The following RNF38 variants were observed in gnomAD, a reference collection of about 807,000 sequenced individuals.
RNF38 encodes the protein ring finger protein 38.
In RNF38, 15 loss-of-function variants were observed where a neutral mutation model predicts 67.2. The ratio of observed to expected loss-of-function variants is 0.22; its 90% confidence interval spans 0.15 to 0.34. The LOEUF (loss-of-function observed/expected upper bound fraction) is 0.34, where lower values mean the gene tolerates loss of function less well. Among genes scored for constraint, RNF38 ranks in the 10% least tolerant of loss-of-function variants. The probability of loss-of-function intolerance (pLI) is 1.00; values close to 1 mark genes in which losing one functional copy is unlikely to be tolerated. For missense variants in RNF38, 524 were observed against 639.9 expected (o/e 0.82, Z 1.95); for synonymous variants, 220 against 218.8 (o/e 1.01, Z -0.05).
intron 2 of RNF38, among the ~76,000 whole-genome samples, chr9:36,415,195 T>C (rs911031906): frequency 1.3e-5 from 2 of 152,220 alleles, no homozygotes; most frequent in African/African-American, 4.8e-5. Flanking sequence ...TTAGGCTTGA[T>C]CGTTTAACAT....
At chr9:36,375,701 TGG>T (rs1835738575) in intron 3 of RNF38, among the ~76,000 whole-genome samples, 1 of 152,202 alleles carries the variant, frequency 6.6e-6, no homozygotes, top group African/African-American at 2.4e-5. Context: ...TCATATATAA[TGG>T]CATCGACTGA....
chr9:36,370,865 C>T (rs1418528306), intron 3 of RNF38, among the ~76,000 whole-genome samples: 1 of 151,790 alleles, frequency 6.6e-6, no homozygotes, highest in Non-Finnish European at 1.5e-5. Flanking sequence ...GCTGAGATCA[C>T]GCCACTGCAC....
rs1839024880 is a variant in RNF38, at chr9:36,434,827, G to A, written n.242-10144C>T. Among the ~76,000 whole-genome samples, 5 of 152,134 alleles carry A rather than the reference G, an allele frequency of 3.3e-5. No individual in the cohort carries two copies. In the South Asian group the frequency reaches 1.0e-3, roughly 32 times the overall value. On this transcript the variant is annotated intron_variant and non_coding_transcript_variant, in intron 1 of 3. Transcript: ENST00000488058. ...TCAAGATTAGAACTGGCTCCATGAG[G>A]GCAGGAAATTCCCTTGCCTTATACA...
intron 1 of RNF38, among the ~76,000 whole-genome samples, chr9:36,452,065 T>A (rs1016617911): frequency 5.3e-5 from 8 of 151,904 alleles, no homozygotes; most frequent in African/African-American, 1.9e-4. Flanking sequence ...AAAAATTTTT[T>A]TAAAAAAAAT....
intron 3 of RNF38, 117 bp downstream of exon 3, chr9:36,375,817 T>C: frequency 1.1e-6 from 1 of 877,176 alleles, no homozygotes; most frequent in Non-Finnish European, 1.7e-6. Context: ...TGAATGTACG[T>C]GTATATGTGG....
chr9:36,412,026 CAG>C (rs79954912), intron 2 of RNF38, among the ~76,000 whole-genome samples: 82,079 of 151,886 alleles, frequency 0.54, 23,276 homozygotes, highest in Non-Finnish European at 0.64. Flanking sequence ...CAGCCAAATT[CAG>C]AGAGACAGAA....
At chr9:36,442,816 AC>A (rs1437459431) in intron 1 of RNF38, among the ~76,000 whole-genome samples, 1 of 152,212 alleles carries the variant, frequency 6.6e-6, no homozygotes, top group African/African-American at 2.4e-5. Flanking sequence ...CAATTCGCTC[AC>A]CCAATAACAG....
At chr9:36,430,935 A>G (rs2134262610) in intron 1 of RNF38, among the ~76,000 whole-genome samples, 1 of 152,242 alleles carries the variant, frequency 6.6e-6, no homozygotes, top group Non-Finnish European at 1.5e-5. Context: ...GCAATCCTTC[A>G]GTTCTCCACG....
intron 1 of RNF38, among the ~76,000 whole-genome samples, chr9:36,399,612 ATC>A (rs1837843571): frequency 6.6e-6 from 1 of 151,508 alleles, no homozygotes; most frequent in African/African-American, 2.4e-5. Context: ...CAGAAATTTC[ATC>A]TTTTTATTCC....
rs1490492671 is a variant in RNF38, at chr9:36,423,927, C to A, written n.312+686G>T. On this transcript the variant is annotated intron_variant and non_coding_transcript_variant, in intron 2 of 3. Coordinates refer to the RNF38 transcript ENST00000488058. ...TTGCGCCACTGCACTCCAGCCTGGG[C>A]GACAGAGCGAGACTCCGTCTCAAAA... 4.5e-4 allele frequency among the ~76,000 whole-genome samples: 9 copies of A among 20,188 alleles called. 2 individuals are homozygous for A. The highest frequency in any genetic ancestry group is 1.5e-3 in the African/African-American group (9 of 5,980). The allele number at this position is 20,188 out of a possible 152,430, so 13.2% of individuals were successfully genotyped here. A position where few individuals can be genotyped will look rare whatever the true frequency, so the allele number is the denominator to read the frequency against.
rs1337486950 is a variant in RNF38, at chr9:36,392,861, C to T, written c.13-2245G>A. Among the ~76,000 whole-genome samples the T allele has an allele frequency of 2.0e-5, 3 of 152,058 alleles. No individual in the cohort carries two copies. In the East Asian group the frequency reaches 5.8e-4, roughly 29 times the overall value. On this transcript the variant is annotated intron_variant, in intron 1 of 11. Transcript: ENST00000259605. ...TTTTTGAAACCCAGATGCAAGCAGC[C>T]AACTGTAACATAATATTTAAAGGCC...
At chr9:36,450,142 C>A (rs1028382098) in intron 1 of RNF38, among the ~76,000 whole-genome samples, 3 of 152,100 alleles carry the variant, frequency 2.0e-5, no homozygotes, top group African/African-American at 7.2e-5. Context: ...GAACCTAACT[C>A]TTCGAAACCC....
chr9:36,430,415 G>T (rs1838903131), intron 1 of RNF38, among the ~76,000 whole-genome samples: 1 of 152,106 alleles, frequency 6.6e-6, no homozygotes, highest in African/African-American at 2.4e-5. Flanking sequence ...ATGTTCGTCA[G>T]GCTGGTCTTG....
At chr9:36,466,250 G>A (rs749813125) in intron 1 of RNF38, among the ~76,000 whole-genome samples, 1 of 152,158 alleles carries the variant, frequency 6.6e-6, no homozygotes, top group Non-Finnish European at 1.5e-5. Flanking sequence ...GGACTGAGAT[G>A]GGAGGAAATG....
At chr9:36,358,845 AC>A (rs1261053303) in intron 4 of RNF38, among the ~76,000 whole-genome samples, 2 of 152,166 alleles carry the variant, frequency 1.3e-5, no homozygotes, top group Admixed American at 6.5e-5. Flanking sequence ...ACCCGTCTCT[AC>A]TAAAAATACA....
rs1004238351 is a variant in RNF38 at position 36,390,712 on chromosome 9, G to A, written c.13-96C>T. 2.4e-6 allele frequency: 3 copies of A among 1,232,368 alleles called. No homozygotes were observed. The South Asian group carries it at 4.3e-5, about 18-fold the overall frequency. The allele number at this position is 1,232,368 out of a possible 1,614,324, so 76.3% of individuals were successfully genotyped here. A position where few individuals can be genotyped will look rare whatever the true frequency, so the allele number is the denominator to read the frequency against. ...GATAGTCTGGATTTTCTAGGTATTTGATGATTCTGCTAGCGAAGACAGGAA... is the reference window on the plus strand; with the variant it reads ...GATAGTCTGGATTTTCTAGGTATTTAATGATTCTGCTAGCGAAGACAGGAA... On this transcript the variant is annotated intron_variant, in intron 1 of 11. Coordinates refer to ENST00000259605, the MANE Select transcript of RNF38 (RefSeq NM_022781.5).
intron 4 of RNF38, among the ~76,000 whole-genome samples, chr9:36,359,419 T>C (rs1261426915): frequency 6.6e-6 from 1 of 152,200 alleles, no homozygotes; most frequent in Non-Finnish European, 1.5e-5. Context: ...AGTAGGGCTC[T>C]AATTTTGCTT....
chr9:36,368,001 G>A (rs916131725), intron 4 of RNF38, among the ~76,000 whole-genome samples: 2 of 152,042 alleles, frequency 1.3e-5, no homozygotes, highest in African/African-American at 4.8e-5. Context: ...ACAGGTGCCT[G>A]CCATCACGTG....
intron 1 of RNF38, among the ~76,000 whole-genome samples, chr9:36,398,734 G>C (rs975278187): frequency 6.6e-6 from 1 of 152,142 alleles, no homozygotes; most frequent in Admixed American, 6.5e-5. Flanking sequence ...CAAACACAAC[G>C]CAACAATCAA....
Sources: gnomAD v4.1 joint callset for allele counts (sites outside exome capture counted in the v4.1 genomes callset) on GRCh38, gnomAD v4.1.1 for gene constraint, MANE v1.5 for transcripts, NCBI Gene and HGNC (gene_info 2026-07-23, HGNC 2026-07-21) for gene names.